The following LONRF1 variants were observed in gnomAD, a reference collection of about 807,000 sequenced individuals.
The protein encoded by LONRF1 is LON peptidase N-terminal domain and RING finger protein 1.
A neutral mutation model predicts 85.8 loss-of-function variants in LONRF1; 37 were observed. That is an observed-to-expected ratio of 0.43 (90% CI 0.33 to 0.57). The LOEUF is 0.57. Among genes scored for constraint, LONRF1 ranks in the 20% least tolerant of loss-of-function variants. The probability of loss-of-function intolerance (pLI) is 0.04; values close to 1 mark genes in which losing one functional copy is unlikely to be tolerated. For synonymous variants in LONRF1, 517 were observed against 390.1 expected (o/e 1.33, Z -3.83); for missense variants, 1,036 against 978.0 (o/e 1.06, Z -0.79).
At chr8:12,751,042 C>G (rs1799363628) in intron 1 of LONRF1, among the ~76,000 whole-genome samples, 1 of 152,090 alleles carries the variant, frequency 6.6e-6, no homozygotes, top group African/African-American at 2.4e-5. Context: ...AACCAAAACA[C>G]AGATAGGTTA....
At chr8:12,750,972 C>T (rs149647844) in intron 1 of LONRF1, among the ~76,000 whole-genome samples, 1 of 152,152 alleles carries the variant, frequency 6.6e-6, no homozygotes, top group Admixed American at 6.5e-5. Context: ...CATGTTTTGA[C>T]TCATTTGATT....
intron 1 of LONRF1, among the ~76,000 whole-genome samples, chr8:12,752,870 A>T (rs1377649472): frequency 6.6e-6 from 1 of 152,212 alleles, no homozygotes; most frequent in Non-Finnish European, 1.5e-5. Flanking sequence ...ACTTCCTTGG[A>T]TATGTATACT....
In LONRF1 at chr8:12,754,784, G is replaced by A. The variant is rs1198466122; in HGVS notation, c.637C>T (p.Arg213Trp). The part of the protein sequence containing the change: ...KWFPGQRERA[R>W]AAGRLGELLH... ...AGCTCCCCGAGCCTGCCGGCCGCCC[G>A]GGCCCGCTCGCGCTGGCCCGGAAAC... Residue 213 changes from arginine to tryptophan, a missense_variant, in exon 1 of 12, where the codon CGG becomes TGG. Coordinates refer to ENST00000398246, the MANE Select transcript of LONRF1 (RefSeq NM_152271.5). 6.8e-7 allele frequency: 1 copy of A among 1,471,416 alleles called. No homozygotes were observed. The highest frequency in any genetic ancestry group is 9.0e-7 in the Non-Finnish European group (1 of 1,116,598). The allele number at this position is 1,471,416 out of a possible 1,614,324, so 91.1% of individuals were successfully genotyped here.
chr8:12,725,870 C>T lies in LONRF1; in HGVS notation c.2020G>A (p.Glu674Lys), dbSNP rs774931798. The T allele has an allele frequency of 1.1e-5, 17 of 1,608,886 alleles. No individual in the cohort carries two copies. The East Asian group carries it at 3.8e-4, about 36-fold the overall frequency. ...EYLEDVKVEN[E>K]DEIKNLRELH... ...TCTCTGAGATTCTTAATCTCATCTT[C>T]ATTCTCAACCTAGAAATACAATAGT... is the stretch of plus-strand genomic sequence containing the variant. The change falls in exon 11 of 12, where the codon GAA becomes AAA. Residue 674 changes from glutamate to lysine, a missense_variant. Around this residue, in one of 3 missense-constraint regions of LONRF1, gnomAD observed 265 missense variants for 301.5 expected, o/e 0.88. Transcript: ENST00000398246.
chr8:12,731,668 T>A, intron 8 of LONRF1, 68 bp downstream of exon 8: 1 of 1,337,040 alleles, frequency 7.5e-7, no homozygotes, highest in Non-Finnish European at 1.0e-6. Flanking sequence ...GGATCCAGCT[T>A]GCGGTGAGGT....
chr8:12,743,471 T>C (rs1799020994), intron 1 of LONRF1, among the ~76,000 whole-genome samples, 189 bp from the exon 2 acceptor site: 1 of 152,218 alleles, frequency 6.6e-6, no homozygotes, highest in African/African-American at 2.4e-5. Flanking sequence ...CTAGAAGTTG[T>C]ATCAAATCAT....
rs1243853298 is a variant in LONRF1 at position 12,738,063 on chromosome 8, T to A, written c.1045A>T (p.Asn349Tyr). The A allele has an allele frequency of 3.1e-6, 5 of 1,610,836 alleles. No homozygotes were observed. The South Asian group carries it at 5.6e-5, about 18-fold the overall frequency. Residue 349 changes from asparagine (N) to tyrosine (Y), a missense_variant, in exon 4 of 12, where the codon AAC becomes TAC. Physicochemically the swap from Asn to Tyr is moderately radical, Grantham distance 143. Coordinates refer to ENST00000398246, the MANE Select transcript of LONRF1 (RefSeq NM_152271.5). ...ACTGAATGAAAATCAAAAGGTCTGT[T>A]TTTAGTACATGGTAATGAACTCCAG... ...SSWSSLPCTK[N>Y]RPFDFHSVME... is the part of the protein sequence containing the mutation.
At chr8:12,727,098 C>G (rs1798339175) in intron 10 of LONRF1, 1 of 138,964 alleles carries the variant, frequency 7.2e-6, no homozygotes, top group Non-Finnish European at 1.6e-5. Context: ...GAGCAAGAAA[C>G]AAACTTATGC....
chr8:12,723,490 A>G (rs1806009409), intron 11 of LONRF1, among the ~76,000 whole-genome samples: 1 of 152,160 alleles, frequency 6.6e-6, no homozygotes, highest in South Asian at 2.1e-4. Context: ...TCAAATCTAG[A>G]CCTGACTCCC....
chr8:12,754,548 C>A (rs1031262624), intron 1 of LONRF1, 152 bp downstream of exon 1: 3 of 878,942 alleles, frequency 3.4e-6, no homozygotes, highest in East Asian at 3.7e-5. Flanking sequence ...CCCTCCCACA[C>A]CCCCCAGCAC....
chr8:12,731,804 C>G lies in LONRF1; in HGVS notation c.1620G>C (p.Val540=). ...CAGACAGTTCATCAGGCAGATACTT[C>G]ACTATTAATTCTTCCAACAGCTGTG... The part of the protein sequence containing the change: ...CVTQLLEELI[V]KYLPDELSER... Residue 540 remains valine, a synonymous_variant, in exon 8 of 12, where the codon GTG becomes GTC. Coordinates refer to ENST00000398246, the MANE Select transcript of LONRF1 (RefSeq NM_152271.5). 1 of 1,612,456 alleles carries G rather than the reference C, an allele frequency of 6.2e-7. No homozygotes were observed. Among genetic ancestry groups the G allele is most frequent in the Non-Finnish European group, 8.5e-7 (1 of 1,178,662 alleles).
At chr8:12,742,323 T>C (rs1157926517) in intron 2 of LONRF1, among the ~76,000 whole-genome samples, 4 of 152,348 alleles carry the variant, frequency 2.6e-5, no homozygotes. Context: ...GTAACTTATA[T>C]CTTAAAGAAC....
In LONRF1 at chr8:12,755,507, G is replaced by C. The variant is rs958266295; in HGVS notation, c.-87C>G. 8.3e-5 allele frequency: 53 copies of C among 639,208 alleles called. No individual in the cohort carries two copies. Among genetic ancestry groups the C allele is most frequent in the Non-Finnish European group, 1.0e-4 (53 of 513,610 alleles). 39.6% of individuals were successfully genotyped at this position (639,208 alleles called of 1,614,324 possible). ...CGGCTCCGCACGCGGCCCGCGAGCA[G>C]GGGGGCGTGGCGCGCGGACACGGCG... On this transcript the variant is annotated 5_prime_UTR_variant, in exon 1 of 12. Coordinates refer to ENST00000398246, the MANE Select transcript of LONRF1 (RefSeq NM_152271.5).
At chr8:12,739,943 C>A (rs902007815) in intron 3 of LONRF1, among the ~76,000 whole-genome samples, 1 of 152,132 alleles carries the variant, frequency 6.6e-6, no homozygotes, top group Non-Finnish European at 1.5e-5. Context: ...CTTAAGGCGG[C>A]TGAGATCTGA....
Position 12,754,815 on chromosome 8 carries a change from C to A in LONRF1, c.606G>T (p.Glu202Asp). ...GCTCGCGCTGGCCCGGAAACCACTT[C>A]TCGGCCAGGTGGTTGAGGACGACGC... Reference protein sequence around the residue: ...RTSVVLNHLAEKWFPGQRERA... With the variant: ...RTSVVLNHLADKWFPGQRERA... Residue 202 changes from glutamate to aspartate, a missense_variant, in exon 1 of 12, where the codon GAG becomes GAT. Transcript: ENST00000398246. 1.3e-6 allele frequency: 2 copies of A among 1,491,636 alleles called. No individual in the cohort carries two copies. The highest frequency in any genetic ancestry group is 1.8e-6 in the Non-Finnish European group (2 of 1,126,684). The allele number at this position is 1,491,636 out of a possible 1,614,324, so 92.4% of individuals were successfully genotyped here.
intron 1 of LONRF1, among the ~76,000 whole-genome samples, chr8:12,752,227 T>C (rs1202194511): frequency 1.3e-5 from 2 of 152,210 alleles, no homozygotes; most frequent in African/African-American, 4.8e-5. Flanking sequence ...GTTATATAAA[T>C]ACATGTCAAA....
chr8:12,752,413 A>C (rs1329993242), intron 1 of LONRF1, among the ~76,000 whole-genome samples: 1 of 152,212 alleles, frequency 6.6e-6, no homozygotes, highest in Non-Finnish European at 1.5e-5. Context: ...TCACATTAAG[A>C]ATTCAAAAGA....
intron 3 of LONRF1, among the ~76,000 whole-genome samples, chr8:12,740,276 T>C (rs1266745045): frequency 6.6e-6 from 1 of 152,200 alleles, no homozygotes; most frequent in Admixed American, 6.5e-5. Flanking sequence ...GCTATTTTAT[T>C]TCATGCTGGC....
intron 1 of LONRF1, among the ~76,000 whole-genome samples, chr8:12,751,615 GAATT>G (rs1799408116): frequency 6.6e-6 from 1 of 150,494 alleles, no homozygotes; most frequent in Non-Finnish European, 1.5e-5. Flanking sequence ...AAGCATTACA[GAATT>G]AATATTAAAG....
Sources: gnomAD v4.1 joint callset for allele counts (sites outside exome capture counted in the v4.1 genomes callset) on GRCh38, gnomAD v4.1.1 for gene constraint, gnomAD v4.1.1 regional missense constraint, MANE v1.5 for transcripts, NCBI Gene and HGNC (gene_info 2026-07-23, HGNC 2026-07-21) for gene names.